The following ZBTB10 variants were observed in gnomAD, a reference collection of about 807,000 sequenced individuals.
ZBTB10 encodes zinc finger and BTB domain-containing protein 10.
In ZBTB10, 32 loss-of-function variants were observed where a neutral mutation model predicts 76.4. That is an observed-to-expected ratio of 0.42 (90% CI 0.32 to 0.56). The LOEUF (loss-of-function observed/expected upper bound fraction) is 0.56, where lower values mean the gene tolerates loss of function less well. Ranked by LOEUF, ZBTB10 falls within the 20% of genes least tolerant of loss-of-function variation. ZBTB10 has a pLI of 0.14. For missense variants in ZBTB10, 1,057 were observed against 1,098.5 expected (o/e 0.96, Z 0.53); for synonymous variants, 523 against 432.9 (o/e 1.21, Z -2.58).
At chr8:80,518,747 G>A (rs1816390623) in intron 4 of ZBTB10, 35 bp from the exon 5 acceptor site, 2 of 1,572,184 alleles carry the variant, frequency 1.3e-6, no homozygotes, top group Non-Finnish European at 1.7e-6. Flanking sequence ...TGTTTAATGT[G>A]TAATAAGCAC....
At chr8:80,511,823 A>G (rs1408945322) in intron 2 of ZBTB10, among the ~76,000 whole-genome samples, 1 of 152,204 alleles carries the variant, frequency 6.6e-6, no homozygotes, top group Non-Finnish European at 1.5e-5. Flanking sequence ...TGCAAAGGGC[A>G]AGACTATTCA....
At chr8:80,500,418 A>T in intron 2 of ZBTB10, 36 bp downstream of exon 2, 3 of 1,453,916 alleles carry the variant, frequency 2.1e-6, no homozygotes, top group Non-Finnish European at 1.8e-6. Flanking sequence ...TTCCTTGTTC[A>T]TCCTAATTCT....
intron 5 of ZBTB10, 39 bp downstream of exon 5, chr8:80,518,993 T>C: frequency 6.5e-7 from 1 of 1,540,914 alleles, no homozygotes; most frequent in Non-Finnish European, 8.8e-7. Context: ...TGAGATAAAC[T>C]ATATTTATGT....
intron 2 of ZBTB10, among the ~76,000 whole-genome samples, chr8:80,506,406 C>T (rs1371946596): frequency 6.6e-6 from 1 of 152,026 alleles, no homozygotes; most frequent in East Asian, 1.9e-4. Flanking sequence ...ACCTCACCTC[C>T]AGGGCTCAAG....
In ZBTB10 at chr8:80,500,112, T is replaced by C. The variant is rs753303315; in HGVS notation, c.1591T>C (p.Tyr531His). ...TGTCGACGAGGGCCAAATAGAAAAC[T>C]ACCAAATGAATGACAGTAGTTGGGT... ...CNVDEGQIEN[Y>H]QMNDSSWVQD... Residue 531 changes from tyrosine (Y) to histidine (H), a missense_variant, in exon 2 of 6, where the codon TAC (tyrosine) becomes CAC (histidine). By Grantham distance (83) the Tyr-to-His change is moderately conservative. This residue lies in a region of ZBTB10 where 306 missense variants were observed against 297.5 expected (regional missense o/e 1.03). Coordinates refer to ENST00000455036, the MANE Select transcript of ZBTB10 (RefSeq NM_001105539.3). The C allele has an allele frequency of 1.2e-5, 19 of 1,613,892 alleles. No individual in the cohort carries two copies. The South Asian group carries it at 2.0e-4, about 17-fold the overall frequency.
intron 2 of ZBTB10, among the ~76,000 whole-genome samples, chr8:80,502,231 C>A (rs561002993): frequency 3.3e-5 from 5 of 152,040 alleles, no homozygotes; most frequent in African/African-American, 4.8e-5. Context: ...TTATCTCTTA[C>A]ATCTGTTTTG....
At chr8:80,518,993 T>A (rs751256814) in intron 5 of ZBTB10, 39 bp downstream of exon 5, 1 of 1,540,914 alleles carries the variant, frequency 6.5e-7, no homozygotes, top group South Asian at 1.2e-5. Flanking sequence ...TGAGATAAAC[T>A]ATATTTATGT....
At chr8:80,499,057 G>C (rs559433230) in intron 1 of ZBTB10, among the ~76,000 whole-genome samples, 5 of 152,140 alleles carry the variant, frequency 3.3e-5, no homozygotes, top group African/African-American at 1.2e-4. Flanking sequence ...GGTAGATAGG[G>C]TGATATGCCT....
intron 2 of ZBTB10, among the ~76,000 whole-genome samples, chr8:80,511,259 A>G (rs973541053): frequency 2.0e-5 from 3 of 152,194 alleles, no homozygotes; most frequent in Admixed American, 2.0e-4. Flanking sequence ...AGAAATCACA[A>G]ATTCTAATAT....
rs773074047 is a variant in ZBTB10 at position 80,517,871 on chromosome 8, C to CTTTTTTTTTTTTTTTT, written c.1961-522_1961-507dup. 2.7e-4 allele frequency among the ~76,000 whole-genome samples: 21 copies of CTTTTTTTTTTTTTTTT among 76,842 alleles called. 1 individual carries two copies. Among genetic ancestry groups the CTTTTTTTTTTTTTTTT allele is most frequent in the Non-Finnish European group, 3.7e-4 (16 of 43,094 alleles). The allele number at this position is 76,842 out of a possible 152,430, so 50.4% of individuals were successfully genotyped here. On this transcript the variant is annotated intron_variant, in intron 3 of 5. Transcript: ENST00000455036. The stretch of plus-strand genomic sequence containing the variant: ...CATGTTTTTTTCTCCCGCCCGCCAC[C>CTTTTTTTTTTTTTTTT]TTTTTTTTTTTTTTTTTTTTTTTTT...
intron 1 of ZBTB10, among the ~76,000 whole-genome samples, chr8:80,492,700 ATC>A (rs1226445095): frequency 6.6e-6 from 1 of 151,818 alleles, no homozygotes; most frequent in Non-Finnish European, 1.5e-5. Flanking sequence ...GATAGTCTCT[ATC>A]TCCTGATCTC....
At chr8:80,508,039 C>G (rs933619484) in intron 2 of ZBTB10, among the ~76,000 whole-genome samples, 1 of 152,158 alleles carries the variant, frequency 6.6e-6, no homozygotes, top group Non-Finnish European at 1.5e-5. Context: ...CACTGTTTCC[C>G]CTTTTGCTGT....
chr8:80,518,671 TAGC>T, intron 4 of ZBTB10, 92 bp downstream of exon 4: 2 of 1,479,448 alleles, frequency 1.4e-6, no homozygotes, highest in East Asian at 2.5e-5. Flanking sequence ...AAAAACCAAG[TAGC>T]AGTAGCTCCA....
At position 80,487,213 on chromosome 8, in the gene ZBTB10, A is replaced by G; in HGVS notation, c.403A>G (p.Asn135Asp). ...AGGCGGCGGCGGCGGGGGTCTCGGC[A>G]ACAATGGCAGTAGCCGCGGCCGCCC... is the stretch of plus-strand genomic sequence containing the variant. ...FRGGGGGGLG[N>D]NGSSRGRPET... Residue 135 changes from asparagine (N) to aspartate (D), a missense_variant, in exon 1 of 6, where the codon AAC (asparagine) becomes GAC (aspartate). Transcript: ENST00000455036. 2 of 1,545,504 alleles carry G rather than the reference A, an allele frequency of 1.3e-6. No homozygotes were observed. The highest frequency in any genetic ancestry group is 2.5e-5 in the East Asian group (1 of 40,744).
intron 2 of ZBTB10, among the ~76,000 whole-genome samples, chr8:80,506,878 A>G (rs998315154): frequency 6.6e-6 from 1 of 151,520 alleles, no homozygotes; most frequent in Non-Finnish European, 1.5e-5. Context: ...GGAGTATGCT[A>G]TGAAGGATGA....
chr8:80,518,530 G>A lies in ZBTB10; in HGVS notation c.2088G>A (p.Lys696=). ...TACCAGGTGCTTCAAATGATTTCAA[G>A]TATGGATTATTGCCAGAATCTTGGC... ...GLIPGASNDF[K]YGLLPESWPK... is the part of the protein sequence containing the mutation. Residue 696 remains lysine (K), a synonymous_variant, in exon 4 of 6, where the codon AAG becomes AAA. Transcript: ENST00000455036. 6.4e-7 allele frequency: 1 copy of A among 1,553,572 alleles called. No individual in the cohort carries two copies. Among genetic ancestry groups the A allele is most frequent in the Non-Finnish European group, 8.7e-7 (1 of 1,148,054 alleles).
chr8:80,496,946 C>T (rs1371856881), intron 1 of ZBTB10, among the ~76,000 whole-genome samples: 1 of 152,118 alleles, frequency 6.6e-6, no homozygotes, highest in Non-Finnish European at 1.5e-5. Flanking sequence ...GGTTCAGGTA[C>T]AGCTTGTGTA....
rs750978416 is a variant in ZBTB10, at chr8:80,519,345, A to G, written c.2433A>G (p.Lys811=). ...GTGTTTGTGTAGACTGTGCAGATAA[A>G]TCACAGCCAGGAGGGCAAGAAGGTG... ...RYGVCVDCAD[K]SQPGGQEGVD... The change falls in exon 6 of 6, where the codon AAA becomes AAG. Residue 811 remains lysine (K), a synonymous_variant. Coordinates refer to ENST00000455036, the MANE Select transcript of ZBTB10 (RefSeq NM_001105539.3). The G allele has an allele frequency of 2.5e-6, 4 of 1,613,720 alleles. No individual in the cohort carries two copies. In the African/African-American group the frequency reaches 4.0e-5, roughly 16 times the overall value.
chr8:80,486,473 TC>T lies in ZBTB10; in HGVS notation c.-337del. On this transcript the variant is annotated 5_prime_UTR_variant, in exon 1 of 6. Transcript: ENST00000455036. ...TCTCCCCGCACTCCGCTGCTCAACT[TC>T]GAAGGCCTCGCTCGCTGCAGGCTCG... is the stretch of plus-strand genomic sequence containing the variant. 2.0e-6 allele frequency: 2 copies of T among 984,938 alleles called. No homozygotes were observed. The highest frequency in any genetic ancestry group is 2.4e-6 in the Non-Finnish European group (2 of 829,882). 61.0% of individuals were successfully genotyped at this position (984,938 alleles called of 1,614,324 possible).
Sources: gnomAD v4.1 joint callset for allele counts (sites outside exome capture counted in the v4.1 genomes callset) on GRCh38, gnomAD v4.1.1 for gene constraint, gnomAD v4.1.1 regional missense constraint, MANE v1.5 for transcripts, NCBI Gene and HGNC (gene_info 2026-07-23, HGNC 2026-07-21) for gene names.